Variants in ZFAND3 observed in about 807,000 individuals in gnomAD.
ZFAND3 encodes AN1-type zinc finger protein 3.
Under a neutral mutation model 29.6 loss-of-function variants are expected in ZFAND3, and 10 were observed. The observed-to-expected ratio is 0.34, with a 90% CI of 0.21 to 0.57. The LOEUF is 0.57. Ranked by LOEUF, ZFAND3 falls within the 20% of genes least tolerant of loss-of-function variation. ZFAND3 has a pLI of 0.86. For missense variants in ZFAND3, 230 were observed against 304.5 expected (o/e 0.76, Z 1.82); for synonymous variants, 128 against 112.6 (o/e 1.14, Z -0.87).
At chr6:38,062,449 C>G (rs946888189) in intron 3 of ZFAND3, 1 of 151,484 alleles carries the variant, frequency 6.6e-6, no homozygotes, top group Non-Finnish European at 1.5e-5. Flanking sequence ...GTTGTACCAT[C>G]TCAGCTGACT....
At chr6:38,095,003 C>T (rs1454826994) in intron 4 of ZFAND3, among the ~76,000 whole-genome samples, 1 of 152,162 alleles carries the variant, frequency 6.6e-6, no homozygotes, top group African/African-American at 2.4e-5. Context: ...ATTAGGGATA[C>T]TCAACCTGTA....
chr6:37,964,223 G>C (rs767898730), intron 2 of ZFAND3, among the ~76,000 whole-genome samples: 2 of 152,184 alleles, frequency 1.3e-5, no homozygotes, highest in East Asian at 1.9e-4. Context: ...TTGATGTCCT[G>C]CTCTGATGCC....
At chr6:37,973,573 T>C (rs1007127529) in intron 2 of ZFAND3, among the ~76,000 whole-genome samples, 6 of 152,246 alleles carry the variant, frequency 3.9e-5, no homozygotes, top group Non-Finnish European at 8.8e-5. Context: ...GAACTGCATT[T>C]TCCATTTTAT....
At chr6:37,899,092 G>C (rs1438537897) in intron 1 of ZFAND3, among the ~76,000 whole-genome samples, 3 of 151,966 alleles carry the variant, frequency 2.0e-5, no homozygotes, top group Non-Finnish European at 4.4e-5. Flanking sequence ...GTAGAGACGG[G>C]GTTTCACCGT....
At chr6:37,871,981 G>A (rs1440313301) in intron 1 of ZFAND3, among the ~76,000 whole-genome samples, 1 of 152,180 alleles carries the variant, frequency 6.6e-6, no homozygotes. Flanking sequence ...TCTATCCCAT[G>A]CATGTATATT....
At chr6:37,848,053 A>G (rs1018717184) in intron 1 of ZFAND3, among the ~76,000 whole-genome samples, 4 of 152,232 alleles carry the variant, frequency 2.6e-5, no homozygotes, top group Non-Finnish European at 4.4e-5. Context: ...TCAACTGAGA[A>G]AGGGCTAAGA....
At chr6:38,031,833 T>TCC (rs544751768) in intron 2 of ZFAND3, among the ~76,000 whole-genome samples, 5 of 119,526 alleles carry the variant, frequency 4.2e-5, no homozygotes, top group South Asian at 2.9e-4. Context: ...ATTCTGCCCC[T>TCC]CCCCCCCCGC....
At chr6:37,858,186 TG>T (rs1764419283) in intron 1 of ZFAND3, among the ~76,000 whole-genome samples, 1 of 152,212 alleles carries the variant, frequency 6.6e-6, no homozygotes, top group Non-Finnish European at 1.5e-5. Context: ...AGTCAGTCTA[TG>T]GCATCCTTTG....
intron 4 of ZFAND3, among the ~76,000 whole-genome samples, chr6:38,105,748 T>A (rs1209670925): frequency 2.0e-5 from 3 of 152,162 alleles, no homozygotes; most frequent in Admixed American, 2.0e-4. Context: ...TTATTTCTTG[T>A]AACTACATGG....
intron 2 of ZFAND3, among the ~76,000 whole-genome samples, chr6:37,938,198 A>G (rs555346614): frequency 5.3e-5 from 8 of 152,336 alleles, no homozygotes; most frequent in Admixed American, 1.3e-4. Flanking sequence ...CTTTTAAATA[A>G]TGCTTTTAGA....
chr6:37,929,889 CT>C, intron 1 of ZFAND3, 69 bp from the exon 2 acceptor site: 1 of 1,446,498 alleles, frequency 6.9e-7, no homozygotes, highest in Middle Eastern at 1.9e-4. Context: ...TTTCTGACAT[CT>C]TATGTTTTGA....
intron 2 of ZFAND3, among the ~76,000 whole-genome samples, chr6:37,985,499 C>CACACA (rs1762651601): frequency 7.1e-6 from 1 of 141,596 alleles, no homozygotes; most frequent in African/African-American, 2.8e-5. Flanking sequence ...GCTTGTGGTT[C>CACACA]CACACACACA....
rs371986454 is a variant in ZFAND3, at chr6:37,858,963, CT to C, written c.71+38950del. Among the ~76,000 whole-genome samples, 44 of 152,304 alleles carry C rather than the reference CT, an allele frequency of 2.9e-4. 1 individual carries two copies. The East Asian group carries it at 7.5e-3, about 26-fold the overall frequency. ...CAGGGCCAGCATTGTGCATGTCGTA[CT>C]TTCATGCATGTATTATTATTTTAAA... On this transcript the variant is annotated intron_variant, in intron 1 of 5. Transcript: ENST00000287218.
At chr6:37,948,568 A>C (rs897363895) in intron 2 of ZFAND3, among the ~76,000 whole-genome samples, 17 of 152,174 alleles carry the variant, frequency 1.1e-4, no homozygotes, top group Non-Finnish European at 1.3e-4. Flanking sequence ...CCAGGTGATA[A>C]GCATAGTACC....
chr6:38,061,495 G>T, intron 2 of ZFAND3, 98 bp from the exon 3 acceptor site: 1 of 1,385,082 alleles, frequency 7.2e-7, no homozygotes, highest in Non-Finnish European at 9.8e-7. Flanking sequence ...CTTTATTATT[G>T]GTGTTGTTGC....
At chr6:37,936,659 A>C (rs1236421189) in intron 2 of ZFAND3, among the ~76,000 whole-genome samples, 1 of 152,238 alleles carries the variant, frequency 6.6e-6, no homozygotes, top group East Asian at 1.9e-4. Context: ...TGACATGAAA[A>C]ATTTAATTGT....
chr6:37,994,273 A>G (rs1762811334), intron 2 of ZFAND3, among the ~76,000 whole-genome samples: 1 of 152,182 alleles, frequency 6.6e-6, no homozygotes, highest in Admixed American at 6.6e-5. Context: ...ATAGTGGACC[A>G]AGGAACTGAC....
chr6:38,078,424 T>C (rs1034599771), intron 3 of ZFAND3, among the ~76,000 whole-genome samples: 6 of 152,218 alleles, frequency 3.9e-5, no homozygotes, highest in Non-Finnish European at 8.8e-5. Context: ...AAAATGTTAG[T>C]CTGTTAATAA....
intron 2 of ZFAND3, among the ~76,000 whole-genome samples, chr6:38,030,502 A>G (rs1456144059): frequency 2.0e-5 from 3 of 152,182 alleles, no homozygotes; most frequent in Non-Finnish European, 2.9e-5. Flanking sequence ...GGGAACAATC[A>G]TAATATAGCT....
Sources: allele counts gnomAD v4.1 joint callset (sites outside exome capture counted in the v4.1 genomes callset), GRCh38; gene constraint gnomAD v4.1.1; transcripts MANE v1.5; gene names NCBI Gene and HGNC (gene_info 2026-07-23, HGNC 2026-07-21).